Variants in GCC2 observed in about 807,000 individuals in gnomAD.
GCC2 encodes the protein GRIP and coiled-coil domain containing 2.
GCC2 carries 120 observed loss-of-function variants against 210.6 expected under a neutral mutation model. That is an observed-to-expected ratio of 0.57 (90% CI 0.49 to 0.66). The LOEUF (loss-of-function observed/expected upper bound fraction) is 0.66, where lower values mean the gene tolerates loss of function less well. GCC2 is among the 30% of genes least tolerant of loss of function. The probability of loss-of-function intolerance (pLI) is 0.00; values close to 1 mark genes in which losing one functional copy is unlikely to be tolerated. For missense variants in GCC2, 1,868 were observed against 1,871.9 expected, an observed-to-expected ratio of 1.00 and a Z score of 0.04; for synonymous variants, 703 against 652.7, an observed-to-expected ratio of 1.08 and a Z score of -1.17.
chr2:108,503,939 T>G (rs1256031389), intron 22 of GCC2, among the ~76,000 whole-genome samples: 4 of 152,098 alleles, frequency 2.6e-5, no homozygotes, highest in African/African-American at 9.7e-5. Context: ...CGAGACCCTA[T>G]GTCTGCAAAA....
chr2:108,507,110 T>A (rs1683229973), intron 22 of GCC2, among the ~76,000 whole-genome samples: 1 of 152,130 alleles, frequency 6.6e-6, no homozygotes, highest in Non-Finnish European at 1.5e-5. Context: ...AAGAATGACA[T>A]ATGGATGGGT....
intron 4 of GCC2, among the ~76,000 whole-genome samples, chr2:108,454,042 G>A (rs1439944907): frequency 2.6e-5 from 4 of 151,912 alleles, no homozygotes; most frequent in African/African-American, 7.3e-5. Context: ...CCAGGCTGGA[G>A]TGCAGTGGCA....
At chr2:108,449,428 C>CT in intron 1 of GCC2, 148 bp downstream of exon 1, 1 of 1,410,092 alleles carries the variant, frequency 7.1e-7, no homozygotes, top group Non-Finnish European at 9.5e-7. Flanking sequence ...TTCGTAAACT[C>CT]TATCCCTGGG....
intron 22 of GCC2, among the ~76,000 whole-genome samples, chr2:108,501,404 AGGGTAACACT>A (rs1176093590): frequency 6.6e-6 from 1 of 152,142 alleles, no homozygotes; most frequent in Non-Finnish European, 1.5e-5. Flanking sequence ...TAATCATTAC[AGGGTAACACT>A]GAACTTGTTC....
chr2:108,497,173 C>T (rs1682686897), intron 21 of GCC2, 64 bp downstream of exon 21: 4 of 1,609,538 alleles, frequency 2.5e-6, no homozygotes, highest in Admixed American at 3.3e-5. Flanking sequence ...CCTCCATACA[C>T]ATGCACGATC....
intron 2 of GCC2, chr2:108,449,911 G>A: frequency 1.8e-6 from 1 of 546,836 alleles, no homozygotes; most frequent in Non-Finnish European, 3.3e-6. Flanking sequence ...GGTTAGCACT[G>A]CTGGGAGATC....
chr2:108,453,360 CTA>C, intron 4 of GCC2, among the ~76,000 whole-genome samples: 1 of 152,308 alleles, frequency 6.6e-6, no homozygotes, highest in South Asian at 2.1e-4. Flanking sequence ...CTCTCTATTT[CTA>C]TGGCTTTATG....
chr2:108,462,012 G>A (rs957748533), intron 4 of GCC2, among the ~76,000 whole-genome samples: 2 of 117,702 alleles, frequency 1.7e-5, no homozygotes, highest in African/African-American at 5.8e-5. Context: ...TTTTTTTTTT[G>A]TATTTTAGTA....
At chr2:108,507,112 T>C (rs528316816) in intron 22 of GCC2, among the ~76,000 whole-genome samples, 36 of 152,230 alleles carry the variant, frequency 2.4e-4, no homozygotes, top group African/African-American at 8.4e-4. Flanking sequence ...GAATGACATA[T>C]GGATGGGTAC....
chr2:108,453,081 GGT>G (rs1350711640), intron 4 of GCC2, among the ~76,000 whole-genome samples: 1 of 152,172 alleles, frequency 6.6e-6, no homozygotes, highest in African/African-American at 2.4e-5. Flanking sequence ...AGTGATTTTA[GGT>G]GTACAGTATA....
At chr2:108,481,942 C>T in intron 10 of GCC2, 126 bp downstream of exon 10, 2 of 650,298 alleles carry the variant, frequency 3.1e-6, no homozygotes, top group Admixed American at 6.9e-5. Flanking sequence ...CTTTACCCTC[C>T]TTCCCACTTA....
intron 19 of GCC2, among the ~76,000 whole-genome samples, chr2:108,493,061 C>G (rs1558757179): frequency 6.6e-6 from 1 of 152,126 alleles, no homozygotes; most frequent in East Asian, 1.9e-4. Flanking sequence ...ATTTCTTTTT[C>G]TCTGACTTAA....
Position 108,449,632 on chromosome 2 carries a change from G to C in GCC2, c.7-1G>C. 6.2e-7 allele frequency: 1 copy of C among 1,613,634 alleles called. No individual in the cohort carries two copies. The highest frequency in any genetic ancestry group is 8.5e-7 in the Non-Finnish European group (1 of 1,179,540). On this transcript the variant is annotated splice_acceptor_variant, in intron 1 of 22. Coordinates refer to ENST00000309863, the MANE Select transcript of GCC2 (RefSeq NM_181453.4). LOFTEE classifies it high-confidence loss of function. ...CACCTGGGTTTGATTTTGTTTTGCA[G>C]GATCTTGTTCAAGATGGGGTGGCTT...
intron 19 of GCC2, 140 bp from the exon 20 acceptor site, chr2:108,495,151 T>C (rs189558079): frequency 1.4e-4 from 73 of 538,406 alleles, no homozygotes; most frequent in African/African-American, 1.3e-3. Flanking sequence ...CAATTCTTCA[T>C]ACACCTTTCA....
chr2:108,450,870 A>G (rs1679902046), intron 2 of GCC2, among the ~76,000 whole-genome samples, 158 bp from the exon 3 acceptor site: 1 of 152,196 alleles, frequency 6.6e-6, no homozygotes, highest in Non-Finnish European at 1.5e-5. Flanking sequence ...CAATAGAGCG[A>G]GACTCTGTCT....
At chr2:108,481,850 T>TA (rs1681870575) in intron 10 of GCC2, 34 bp downstream of exon 10, 6 of 1,438,450 alleles carry the variant, frequency 4.2e-6, no homozygotes, top group Non-Finnish European at 4.7e-6. Context: ...ATGAAAACTA[T>TA]AACAGGTATA....
rs1460045507 is a variant in GCC2, at chr2:108,470,830, A to C, written c.1501A>C (p.Ile501Leu). ...AGAACTGGGGGAATCTGCTGGAAAA[A>C]TAAGTCAAGAGTTCGAATCAATGAA... is the stretch of plus-strand genomic sequence containing the variant. ...QTELGESAGKISQEFESMKQQ... is the reference protein window; with the variant it reads ...QTELGESAGKLSQEFESMKQQ... Residue 501 changes from isoleucine (I) to leucine (L), a missense_variant, in exon 6 of 23, where the codon ATA (isoleucine) becomes CTA (leucine). Ile to Leu is a conservative substitution (Grantham distance 5, BLOSUM62 2). This residue lies in a region of GCC2 where 1,847 missense variants were observed against 1,765.2 expected (regional missense o/e 1.05). Coordinates refer to ENST00000309863, the MANE Select transcript of GCC2 (RefSeq NM_181453.4). The C allele has an allele frequency of 6.2e-7, 1 of 1,613,896 alleles. No individual in the cohort carries two copies. Among genetic ancestry groups the C allele is most frequent in the Non-Finnish European group, 8.5e-7 (1 of 1,179,810 alleles).
rs750989248 is a variant in GCC2 at position 108,471,436 on chromosome 2, C to T, written c.2107C>T (p.Gln703Ter). 1 of 1,607,540 alleles carries T rather than the reference C, an allele frequency of 6.2e-7. No individual in the cohort carries two copies. Among genetic ancestry groups the T allele is most frequent in the Non-Finnish European group, 8.5e-7 (1 of 1,177,912 alleles). ...CAATAAACTCAGTTCAGAAAAAAAACAGTTGAGTAGGGATTTGGAGGTTTT... is the reference window on the plus strand; with the variant it reads ...CAATAAACTCAGTTCAGAAAAAAAATAGTTGAGTAGGGATTTGGAGGTTTT... Reference protein sequence around the residue: ...ENNKLSSEKKQLSRDLEVFLS... With the variant: ...ENNKLSSEKK The change falls in exon 6 of 23, where the codon CAG becomes TAG. Residue 703 changes from glutamine to a stop codon, truncating the protein, a stop_gained. Coordinates refer to ENST00000309863, the MANE Select transcript of GCC2 (RefSeq NM_181453.4). LOFTEE classifies it high-confidence loss of function.
chr2:108,450,980 C>T, intron 2 of GCC2, 48 bp from the exon 3 acceptor site: 1 of 1,175,132 alleles, frequency 8.5e-7, no homozygotes, highest in South Asian at 1.3e-5. Context: ...TTGTGGTATA[C>T]TAGAAACATG....
Sources: gnomAD v4.1 joint callset for allele counts (sites outside exome capture counted in the v4.1 genomes callset) on GRCh38, gnomAD v4.1.1 for gene constraint, gnomAD v4.1.1 regional missense constraint, MANE v1.5 for transcripts, NCBI Gene and HGNC (gene_info 2026-07-23, HGNC 2026-07-21) for gene names.